ATE1: variants seen among roughly 807,000 people sequenced by gnomAD.
ATE1 encodes arginyl-tRNA--protein transferase 1.
A neutral mutation model predicts 70.5 loss-of-function variants in ATE1; 36 were observed. The observed-to-expected ratio is 0.51, with a 90% confidence interval of 0.39 to 0.67. ATE1 has a LOEUF of 0.67. ATE1 is among the 30% of genes least tolerant of loss of function. The pLI is 0.00. For missense variants in ATE1, 593 were observed against 629.5 expected (o/e 0.94, Z 0.62); for synonymous variants, 232 against 219.3 (o/e 1.06, Z -0.51).
chr10:121,828,552 T>C (rs1274515418), intron 10 of ATE1, among the ~76,000 whole-genome samples: 2 of 152,190 alleles, frequency 1.3e-5, no homozygotes, highest in Non-Finnish European at 2.9e-5. Context: ...AGAAAGTGAA[T>C]GCTGCCAGAC....
intron 5 of ATE1, among the ~76,000 whole-genome samples, chr10:121,906,692 G>T (rs927149330): frequency 3.3e-5 from 5 of 152,030 alleles, no homozygotes; most frequent in African/African-American, 1.2e-4. Flanking sequence ...TCTGCCCCCT[G>T]GGTTCAAGCA....
intron 11 of ATE1, among the ~76,000 whole-genome samples, chr10:121,768,375 G>A (rs1945362852): frequency 1.3e-5 from 2 of 152,138 alleles, no homozygotes; most frequent in South Asian, 4.2e-4. Context: ...AAAAACTTAG[G>A]TGTAAATCTA....
chr10:121,920,640 A>G (rs1564968377), intron 3 of ATE1, among the ~76,000 whole-genome samples: 1 of 152,204 alleles, frequency 6.6e-6, no homozygotes, highest in Non-Finnish European at 1.5e-5. Context: ...AAAGATTATG[A>G]AAAAATCCAA....
In ATE1 at chr10:121,890,071, C is replaced by G. The variant is rs778987513; in HGVS notation, c.942+9795G>C. ...ACTTGTCAACATTGGTGAATGGAGT[C>G]TGGGTGTTCATTACATTCTTTCAAC... On this transcript the variant is annotated intron_variant, in intron 7 of 11. Transcript: ENST00000224652. 3.7e-4 allele frequency among the ~76,000 whole-genome samples: 57 copies of G among 152,246 alleles called. 1 individual carries two copies. The highest frequency in any genetic ancestry group is 3.4e-3 in the Middle Eastern group (1 of 294).
intron 7 of ATE1, among the ~76,000 whole-genome samples, chr10:121,896,933 G>C (rs1950804460): frequency 7.5e-6 from 1 of 133,708 alleles, no homozygotes; most frequent in South Asian, 2.6e-4. Context: ...CCTCAAAATG[G>C]CATACAATTT....
At chr10:121,759,808 G>C (rs1037276981) in intron 11 of ATE1, among the ~76,000 whole-genome samples, 1 of 151,502 alleles carries the variant, frequency 6.6e-6, no homozygotes, top group Admixed American at 6.6e-5. Context: ...ATCTAGCCAA[G>C]ATCATCAAGA....
At chr10:121,838,350 C>T (rs1168988751) in intron 9 of ATE1, among the ~76,000 whole-genome samples, 2 of 136,892 alleles carry the variant, frequency 1.5e-5, no homozygotes, top group African/African-American at 4.9e-5. Context: ...CTCACTCCAC[C>T]TGCCTCCTTC....
In ATE1 at chr10:121,741,898, C is replaced by T. The variant is rs1564798404; in HGVS notation, c.*1782G>A. 1 of 152,094 alleles carries T rather than the reference C, an allele frequency of 6.6e-6. No individual in the cohort carries two copies. Among genetic ancestry groups the T allele is most frequent in the African/African-American group, 2.4e-5 (1 of 41,412 alleles). The allele number at this position is 152,094 out of a possible 1,614,324, so 9.4% of individuals were successfully genotyped here. The stretch of plus-strand genomic sequence containing the variant: ...ATGGTAGGGTTGTAGATGATTTTTA[C>T]TTTTTATTTATACTTCTTAATGTTC... On this transcript the variant is annotated 3_prime_UTR_variant, in exon 12 of 12. Coordinates refer to ENST00000224652, the MANE Select transcript of ATE1 (RefSeq NM_001001976.3).
intron 3 of ATE1, among the ~76,000 whole-genome samples, chr10:121,920,736 T>C (rs931003319): frequency 1.3e-5 from 2 of 152,148 alleles, no homozygotes; most frequent in African/African-American, 4.8e-5. Flanking sequence ...GGCTCACGCC[T>C]GTAATATCAG....
Position 121,875,048 on chromosome 10 carries a change from A to C in ATE1, c.943-5010T>G, listed in dbSNP as rs1337891957. Among the ~76,000 whole-genome samples, 5 of 144,992 alleles carry C rather than the reference A, an allele frequency of 3.4e-5. No homozygotes were observed. The East Asian group carries it at 1.1e-3, about 31-fold the overall frequency. ...CAGCTACTCAGGAGGCTGAGGCAGG[A>C]GAATGGCGTGAACCCAGGAGACGGA... On this transcript the variant is annotated intron_variant, in intron 7 of 11. Coordinates refer to ENST00000224652, the MANE Select transcript of ATE1 (RefSeq NM_001001976.3).
intron 11 of ATE1, among the ~76,000 whole-genome samples, chr10:121,777,301 G>A (rs1309153074): frequency 6.6e-6 from 1 of 152,198 alleles, no homozygotes; most frequent in African/African-American, 2.4e-5. Context: ...ATGTTAATGT[G>A]AATAGAACAA....
At chr10:121,882,497 C>T (rs1001831516) in intron 7 of ATE1, among the ~76,000 whole-genome samples, 1 of 152,124 alleles carries the variant, frequency 6.6e-6, no homozygotes, top group Admixed American at 6.5e-5. Context: ...GTGTTGTATA[C>T]AAATGAGGAA....
In ATE1 at chr10:121,876,738, G is replaced by A. The variant is rs113682357; in HGVS notation, c.943-6700C>T. On this transcript the variant is annotated intron_variant, in intron 7 of 11. Coordinates refer to ENST00000224652, the MANE Select transcript of ATE1 (RefSeq NM_001001976.3). Reference sequence around the variant, plus strand: ...TCCCAGCACTTTGGGAGGCCGAGGCGGGCGGATCACGATGTCAGCAGATCG... The same window carrying A: ...TCCCAGCACTTTGGGAGGCCGAGGCAGGCGGATCACGATGTCAGCAGATCG... Among the ~76,000 whole-genome samples the A allele has an allele frequency of 1.3e-3, 195 of 152,104 alleles. 1 individual carries two copies. The highest frequency in any genetic ancestry group is 4.2e-3 in the African/African-American group (175 of 41,500).
intron 8 of ATE1, among the ~76,000 whole-genome samples, chr10:121,842,815 A>C (rs957707054): frequency 8.5e-5 from 13 of 152,164 alleles, no homozygotes; most frequent in Non-Finnish European, 1.8e-4. Context: ...ATTCATGACT[A>C]ATCACTCTTA....
At chr10:121,838,253 T>C (rs767276931) in intron 9 of ATE1, among the ~76,000 whole-genome samples, 3 of 151,926 alleles carry the variant, frequency 2.0e-5, no homozygotes, top group African/African-American at 7.3e-5. Flanking sequence ...GCACCACATA[T>C]AAATAAAACC....
chr10:121,906,265 C>T (rs1393512402), intron 5 of ATE1, among the ~76,000 whole-genome samples: 1 of 151,984 alleles, frequency 6.6e-6, no homozygotes, highest in Non-Finnish European at 1.5e-5. Context: ...TGGTGGCTCA[C>T]GCCCGTAATC....
Position 121,745,438 on chromosome 10 carries a change from G to A in ATE1, c.1379-1580C>T, listed in dbSNP as rs137985104. Reference sequence around the variant, plus strand: ...TTAAAGTGGGTTAAGAACCACAGGCGGGGTGCAGTGGCTCACGCCTGTAAT... The same window carrying A: ...TTAAAGTGGGTTAAGAACCACAGGCAGGGTGCAGTGGCTCACGCCTGTAAT... On this transcript the variant is annotated intron_variant, in intron 11 of 11. Transcript: ENST00000224652. 3.5e-3 allele frequency among the ~76,000 whole-genome samples: 533 copies of A among 152,214 alleles called. 8 individuals are homozygous for A. Among genetic ancestry groups the A allele is most frequent in the African/African-American group, 0.012 (501 of 41,538 alleles).
chr10:121,868,657 A>G (rs1282746301), intron 8 of ATE1, among the ~76,000 whole-genome samples: 1 of 152,166 alleles, frequency 6.6e-6, no homozygotes, highest in African/African-American at 2.4e-5. Context: ...AGATCAGGGA[A>G]AAGGGCTCAA....
chr10:121,798,400 A>G (rs2133351487), intron 10 of ATE1, among the ~76,000 whole-genome samples: 1 of 152,364 alleles, frequency 6.6e-6, no homozygotes, highest in South Asian at 2.1e-4. Flanking sequence ...AGAGATGTAC[A>G]GCTTTTCATA....
Sources: gnomAD v4.1 joint callset for allele counts (sites outside exome capture counted in the v4.1 genomes callset) on GRCh38, gnomAD v4.1.1 for gene constraint, MANE v1.5 for transcripts, NCBI Gene and HGNC (gene_info 2026-07-23, HGNC 2026-07-21) for gene names.